The following REC114 variants were observed in gnomAD, a reference collection of about 807,000 sequenced individuals.
REC114 encodes meiotic recombination protein REC114.
REC114 carries 27 observed loss-of-function variants against 31.3 expected under a neutral mutation model. The ratio of observed to expected loss-of-function variants is 0.86; its 90% CI spans 0.64 to 1.19. The LOEUF (loss-of-function observed/expected upper bound fraction) is 1.19. Among genes scored for constraint, REC114 ranks in the 50% most tolerant of loss-of-function variants. REC114 has a pLI of 0.00. For synonymous variants in REC114, 134 were observed against 127.7 expected (o/e 1.05, Z -0.33); for missense variants, 344 against 326.9 (o/e 1.05, Z -0.40).
chr15:73,529,213 C>G (rs1230081913), intron 2 of REC114, among the ~76,000 whole-genome samples: 1 of 151,914 alleles, frequency 6.6e-6, no homozygotes, highest in Non-Finnish European at 1.5e-5. Flanking sequence ...TCTCAGCTCA[C>G]TGCAAGCTCT....
intron 5 of REC114, among the ~76,000 whole-genome samples, chr15:73,557,375 TTCTTTTAATCC>T (rs1285196804): frequency 6.6e-6 from 1 of 150,896 alleles, no homozygotes; most frequent in African/African-American, 2.4e-5. Context: ...CGGCCACATT[TTCTTTTAATCC>T]CTCCACTAAA....
chr15:73,483,165 A>G (rs1396640026), intron 2 of REC114: 1 of 152,184 alleles, frequency 6.6e-6, no homozygotes, highest in Non-Finnish European at 1.5e-5. Context: ...ATGTCTATTC[A>G]GTTTTCTTTT....
At chr15:73,559,258 C>T (rs950761718) in intron 5 of REC114, among the ~76,000 whole-genome samples, 1 of 152,114 alleles carries the variant, frequency 6.6e-6, no homozygotes, top group African/African-American at 2.4e-5. Flanking sequence ...CACAGATGGC[C>T]AGAAAAAGAT....
chr15:73,478,963 G>A (rs770884586), intron 2 of REC114, among the ~76,000 whole-genome samples: 1 of 151,810 alleles, frequency 6.6e-6, no homozygotes, highest in African/African-American at 2.4e-5. Flanking sequence ...AATTCTTTAG[G>A]GTTTTCTACA....
intron 2 of REC114, among the ~76,000 whole-genome samples, chr15:73,538,981 C>T (rs565315859): frequency 8.6e-5 from 13 of 151,190 alleles, no homozygotes; most frequent in South Asian, 2.1e-4. Flanking sequence ...AATGAATTCC[C>T]GGCATTGGGA....
At chr15:73,482,548 C>A (rs1470827301) in intron 2 of REC114, among the ~76,000 whole-genome samples, 1 of 152,144 alleles carries the variant, frequency 6.6e-6, no homozygotes, top group African/African-American at 2.4e-5. Flanking sequence ...CTCAGGTATT[C>A]CTTTATAGCA....
chr15:73,531,821 A>G (rs981312152), intron 2 of REC114, among the ~76,000 whole-genome samples: 6 of 151,864 alleles, frequency 4.0e-5, no homozygotes, highest in Middle Eastern at 3.4e-3. Context: ...CCTTATTTCT[A>G]CTCCATCCCT....
chr15:73,552,580 A>G (rs1213157803), intron 4 of REC114, among the ~76,000 whole-genome samples: 1 of 152,200 alleles, frequency 6.6e-6, no homozygotes, highest in Non-Finnish European at 1.5e-5. Context: ...CTTGTGATAA[A>G]AAAGTTTGAG....
At chr15:73,466,016 T>A (rs1893052320) in intron 1 of REC114, among the ~76,000 whole-genome samples, 1 of 151,574 alleles carries the variant, frequency 6.6e-6, no homozygotes, top group East Asian at 2.0e-4. Context: ...CACGCCTGGC[T>A]AATTTTTTCA....
At chr15:73,465,549 A>G (rs938807019) in intron 1 of REC114, among the ~76,000 whole-genome samples, 1 of 151,882 alleles carries the variant, frequency 6.6e-6, no homozygotes, top group African/African-American at 2.4e-5. Context: ...GTCCTGCTCT[A>G]TTTCTTCCCT....
rs769569268 is a variant in REC114, at chr15:73,462,884, C to CAA, written c.160-10926_160-10925dup. On this transcript the variant is annotated intron_variant, in intron 1 of 5. Coordinates refer to ENST00000331090, the MANE Select transcript of REC114 (RefSeq NM_001042367.2). ...TGGGCAACAGAGTGAGACTCCGTCT[C>CAA]AAAAAAAAAAAAAAAAAAAAAAATT... Among the ~76,000 whole-genome samples, 258 of 55,034 alleles carry CAA rather than the reference C, an allele frequency of 4.7e-3. 4 individuals are homozygous for CAA. The highest frequency in any genetic ancestry group is 7.6e-3 in the African/African-American group (107 of 14,120). The allele number at this position is 55,034 out of a possible 152,430, so 36.1% of individuals were successfully genotyped here.
intron 1 of REC114, among the ~76,000 whole-genome samples, chr15:73,469,563 G>A (rs1893105461): frequency 6.6e-6 from 1 of 151,972 alleles, no homozygotes; most frequent in African/African-American, 2.4e-5. Flanking sequence ...CCAAGCAGCT[G>A]GGACTACAGG....
chr15:73,526,001 G>A (rs2141322276), intron 2 of REC114, among the ~76,000 whole-genome samples: 1 of 152,168 alleles, frequency 6.6e-6, no homozygotes, highest in East Asian at 1.9e-4. Flanking sequence ...CATGTATTTT[G>A]AATAGCTGTT....
chr15:73,553,495 C>A (rs1894420523), intron 4 of REC114, among the ~76,000 whole-genome samples: 1 of 152,120 alleles, frequency 6.6e-6, no homozygotes, highest in South Asian at 2.1e-4. Context: ...GTATAGTATA[C>A]CCAGTGTATG....
intron 2 of REC114, among the ~76,000 whole-genome samples, chr15:73,484,834 T>TA (rs1373927188): frequency 1.3e-5 from 2 of 152,238 alleles, no homozygotes; most frequent in Non-Finnish European, 2.9e-5. Context: ...CTAGAAATGA[T>TA]AGAGTTCAGC....
chr15:73,539,607 T>A (rs1007907735), intron 2 of REC114, among the ~76,000 whole-genome samples: 2 of 152,064 alleles, frequency 1.3e-5, no homozygotes, highest in Admixed American at 1.3e-4. Context: ...GATAAGGGAC[T>A]ACATTTTCTT....
At chr15:73,549,788 T>A (rs1894363255) in intron 3 of REC114, among the ~76,000 whole-genome samples, 1 of 152,210 alleles carries the variant, frequency 6.6e-6, no homozygotes, top group African/African-American at 2.4e-5. Context: ...TACCAAATAC[T>A]GGCAGTGAAA....
intron 2 of REC114, among the ~76,000 whole-genome samples, chr15:73,511,172 G>C (rs1405639099): frequency 6.6e-6 from 1 of 152,236 alleles, no homozygotes; most frequent in South Asian, 2.1e-4. Flanking sequence ...TTAGTCTTGG[G>C]AGAGTGTATG....
intron 5 of REC114, among the ~76,000 whole-genome samples, chr15:73,557,414 T>TAA (rs767116205): frequency 5.7e-4 from 65 of 113,178 alleles, no homozygotes; most frequent in East Asian, 2.4e-3. Flanking sequence ...ATCAGTAGTT[T>TAA]AAAAAAAAAA....
Sources: allele counts gnomAD v4.1 joint callset (sites outside exome capture counted in the v4.1 genomes callset), GRCh38; gene constraint gnomAD v4.1.1; transcripts MANE v1.5; gene names NCBI Gene and HGNC (gene_info 2026-07-23, HGNC 2026-07-21).